The following SAMMSON variants were observed in gnomAD, a reference collection of about 807,000 sequenced individuals.
SAMMSON encodes long intergenic non-protein coding RNA 1212.
chr3:70,040,812 A>AT (rs2067103423), intron 3 of SAMMSON, among the ~76,000 whole-genome samples: 1 of 152,130 alleles, frequency 6.6e-6, no homozygotes. Flanking sequence ...TCTCAACTTC[A>AT]TTTTTGTATG....
intron 4 of SAMMSON, among the ~76,000 whole-genome samples, chr3:70,224,366 G>T (rs920556459): frequency 2.6e-5 from 4 of 152,152 alleles, no homozygotes; most frequent in African/African-American, 9.7e-5. Context: ...AACTTCCATG[G>T]CTGAGCTGCT....
In SAMMSON at chr3:70,311,820, A is replaced by G. The variant is rs531893500; in HGVS notation, n.739+20577A>G. 2.0e-5 allele frequency: 8 copies of G among 395,660 alleles called. 1 individual carries two copies. The highest frequency in any genetic ancestry group is 1.2e-4 in the African/African-American group (6 of 48,654). 24.5% of individuals were successfully genotyped at this position (395,660 alleles called of 1,614,324 possible). ...GACAATTTCCTCCTTCTCCCACACT[A>G]TTCCTTGCTTATAAACAAAAGCAAA... On this transcript the variant is annotated intron_variant and non_coding_transcript_variant, in intron 7 of 9. Coordinates refer to ENST00000642114, the Ensembl canonical transcript of SAMMSON.
chr3:70,249,543 C>G (rs1701739984), intron 5 of SAMMSON: 1 of 152,040 alleles, frequency 6.6e-6, no homozygotes, highest in Non-Finnish European at 1.5e-5. Context: ...TCTTTTATGC[C>G]TGCCCCTTTA....
chr3:70,322,521 A>C (rs1702545201), intron 7 of SAMMSON, among the ~76,000 whole-genome samples: 1 of 152,270 alleles, frequency 6.6e-6, no homozygotes, highest in Non-Finnish European at 1.5e-5. Context: ...CGCGAAAAGT[A>C]CATTTTTTTG....
Position 70,050,911 on chromosome 3 carries a change from G to A in SAMMSON, n.418-20565G>A, listed in dbSNP as rs190942572. Among the ~76,000 whole-genome samples the A allele has an allele frequency of 8.6e-5, 13 of 151,866 alleles. No individual in the cohort carries two copies. In the East Asian group the frequency reaches 1.9e-3, roughly 23 times the overall value. On this transcript the variant is annotated intron_variant and non_coding_transcript_variant, in intron 3 of 9. Transcript: ENST00000642114. ...AACACTTTGGGAGGCTGAGGCCAGCGGATCACTTGAGGTCAGGAGTTCAAG... is the reference window on the plus strand; with the variant it reads ...AACACTTTGGGAGGCTGAGGCCAGCAGATCACTTGAGGTCAGGAGTTCAAG...
chr3:70,029,020 C>T (rs968806207), intron 3 of SAMMSON, among the ~76,000 whole-genome samples: 5 of 152,198 alleles, frequency 3.3e-5, no homozygotes, highest in South Asian at 2.1e-4. Flanking sequence ...GGTATTTGGA[C>T]GATATGACTC....
intron 4 of SAMMSON, among the ~76,000 whole-genome samples, chr3:70,222,132 C>T (rs1252852727): frequency 6.6e-6 from 1 of 152,148 alleles, no homozygotes. Context: ...CAGCTTCTCC[C>T]TGTCTCCCCA....
At chr3:70,209,644 G>T (rs1280690215) in intron 4 of SAMMSON, among the ~76,000 whole-genome samples, 1 of 152,104 alleles carries the variant, frequency 6.6e-6, no homozygotes, top group Non-Finnish European at 1.5e-5. Context: ...AGGCCTGGTA[G>T]ATTCCAAAAG....
chr3:70,336,758 A>G (rs1702663272), intron 7 of SAMMSON, among the ~76,000 whole-genome samples: 1 of 151,544 alleles, frequency 6.6e-6, no homozygotes, highest in Non-Finnish European at 1.5e-5. Context: ...CTCTCTTTAG[A>G]GAGAGAGAAT....
At chr3:70,415,156 A>C (rs922084812) in intron 2 of SAMMSON, among the ~76,000 whole-genome samples, 5 of 152,184 alleles carry the variant, frequency 3.3e-5, no homozygotes, top group Non-Finnish European at 5.9e-5. Flanking sequence ...TGTAAAACAA[A>C]GGTGAGTGAA....
chr3:70,387,796 G>A (rs999867807), intron 9 of SAMMSON, among the ~76,000 whole-genome samples: 1 of 151,880 alleles, frequency 6.6e-6, no homozygotes, highest in African/African-American at 2.4e-5. Context: ...ACTCCTACAG[G>A]GGCTGTATTA....
At position 70,288,242 on chromosome 3, in the gene SAMMSON, G is replaced by T. The variant is rs1277499627; in HGVS notation, n.675-2937G>T. ...CACACTGCTTTGAATGCATCCCAGA[G>T]ATTCTGGTATGTTGTGTCTTTGTTC... On this transcript the variant is annotated intron_variant and non_coding_transcript_variant, in intron 6 of 9. Transcript: ENST00000642114. Among the ~76,000 whole-genome samples the T allele has an allele frequency of 5.4e-5, 7 of 130,110 alleles. 1 individual carries two copies. The highest frequency in any genetic ancestry group is 1.6e-4 in the Admixed American group (2 of 12,646). 85.4% of individuals were successfully genotyped at this position (130,110 alleles called of 152,430 possible).
chr3:70,278,642 G>T (rs1702051328), intron 6 of SAMMSON, among the ~76,000 whole-genome samples: 1 of 152,120 alleles, frequency 6.6e-6, no homozygotes, highest in Non-Finnish European at 1.5e-5. Flanking sequence ...CTTGGCTCTA[G>T]AATATGTCTT....
intron 4 of SAMMSON, among the ~76,000 whole-genome samples, chr3:70,168,274 G>A (rs1448076889): frequency 5.3e-5 from 8 of 151,950 alleles, no homozygotes; most frequent in African/African-American, 9.7e-5. Context: ...TTGAATGACT[G>A]TGTAGTTGGT....
intron 4 of SAMMSON, among the ~76,000 whole-genome samples, chr3:70,232,490 C>G (rs760716718): frequency 4.6e-5 from 7 of 151,802 alleles, no homozygotes; most frequent in Non-Finnish European, 1.0e-4. Context: ...ACCTCCGACT[C>G]CCGGGTTCAA....
At chr3:70,206,706 G>A in intron 4 of SAMMSON, 1 of 397,750 alleles carries the variant, frequency 2.5e-6, no homozygotes, top group Admixed American at 4.4e-5. Context: ...TGGTCCATCT[G>A]TGATATTGAA....
chr3:70,218,402 A>G (rs1484515154), intron 4 of SAMMSON, among the ~76,000 whole-genome samples: 1 of 152,116 alleles, frequency 6.6e-6, no homozygotes, highest in Non-Finnish European at 1.5e-5. Context: ...GTAAAGGTTT[A>G]TAAGCTTTAC....
intron 4 of SAMMSON, among the ~76,000 whole-genome samples, chr3:70,198,556 T>A (rs35432242): frequency 0.52 from 79,317 of 152,016 alleles, 21,463 homozygotes; most frequent in Middle Eastern, 0.57. Flanking sequence ...GAGTCCTGAA[T>A]ATAAGTAAAC....
chr3:70,036,117 A>T (rs978979781), intron 3 of SAMMSON, among the ~76,000 whole-genome samples: 1 of 152,198 alleles, frequency 6.6e-6, no homozygotes, highest in African/African-American at 2.4e-5. Flanking sequence ...GCTTGTAAAT[A>T]AGCCAAATAT....
Sources: gnomAD v4.1 joint callset for allele counts (sites outside exome capture counted in the v4.1 genomes callset) on GRCh38, gnomAD v4.1.1 for gene constraint, MANE v1.5 for transcripts, NCBI Gene and HGNC (gene_info 2026-07-23, HGNC 2026-07-21) for gene names.